The following TMEM200A variants were observed in gnomAD, a reference collection of about 807,000 sequenced individuals.
The protein encoded by TMEM200A is transmembrane protein 200A.
Under a neutral mutation model 24.3 loss-of-function variants are expected in TMEM200A, and 12 were observed. The ratio of observed to expected loss-of-function variants is 0.49; its 90% CI spans 0.32 to 0.80. TMEM200A has a LOEUF of 0.80. Ranked by LOEUF, TMEM200A falls within the 30% of genes least tolerant of loss-of-function variation. The pLI, the probability that TMEM200A is intolerant of heterozygous loss-of-function variation, is 0.04. For missense variants in TMEM200A, 545 were observed against 614.4 expected (o/e 0.89, Z 1.19); for synonymous variants, 224 against 224.4 (o/e 1.00, Z 0.02).
chr6:130,425,653 G>C (rs969628203), intron 2 of TMEM200A, among the ~76,000 whole-genome samples: 1 of 152,150 alleles, frequency 6.6e-6, no homozygotes, highest in Non-Finnish European at 1.5e-5. Flanking sequence ...TGTATAGTCA[G>C]AACTTGAGTT....
intron 2 of TMEM200A, among the ~76,000 whole-genome samples, chr6:130,402,946 C>G (rs1418418140): frequency 6.6e-6 from 1 of 152,010 alleles, no homozygotes; most frequent in East Asian, 1.9e-4. Context: ...CATCTCTTTT[C>G]TTTATGCCCC....
intron 2 of TMEM200A, among the ~76,000 whole-genome samples, chr6:130,403,558 G>C (rs1040193637): frequency 7.4e-6 from 1 of 134,320 alleles, no homozygotes; most frequent in Non-Finnish European, 1.5e-5. Context: ...TTGATAACAT[G>C]TATTTTTACA....
intron 2 of TMEM200A, among the ~76,000 whole-genome samples, chr6:130,406,644 T>C (rs1779215887): frequency 6.6e-6 from 1 of 152,216 alleles, no homozygotes. Context: ...ATGTCCTGAA[T>C]TGCAAATGAA....
intron 2 of TMEM200A, among the ~76,000 whole-genome samples, chr6:130,415,669 A>G (rs1004941448): frequency 6.6e-6 from 1 of 152,064 alleles, no homozygotes; most frequent in Admixed American, 6.6e-5. Flanking sequence ...CTCTACCCAC[A>G]TGTCATGAAA....
In TMEM200A at chr6:130,366,613, C is replaced by A; in HGVS notation, c.-81+89C>A. On this transcript the variant is annotated intron_variant, in intron 1 of 2. Transcript: ENST00000296978. The surrounding 1 kb of genome is among the most constrained non-coding windows in gnomAD (Gnocchi z 4.4). ...ACCGGGCACTTCTTCAGCCCTCTGC[C>A]CTCCCCTCCCCTCCGCTACAGCCTC... 3.1e-6 allele frequency: 3 copies of A among 956,836 alleles called. No homozygotes were observed. The highest frequency in any genetic ancestry group is 3.7e-6 in the Non-Finnish European group (3 of 803,872). 59.3% of individuals were successfully genotyped at this position (956,836 alleles called of 1,614,324 possible).
intron 2 of TMEM200A, chr6:130,439,326 A>G (rs1707786982): frequency 6.6e-6 from 1 of 152,194 alleles, no homozygotes; most frequent in Non-Finnish European, 1.5e-5. Flanking sequence ...ATTAAAGGAC[A>G]TCGTATATTG....
rs11970098 is a variant in TMEM200A at position 130,429,241 on chromosome 6, G to A, written c.-16-11166G>A. 5.0e-3 allele frequency among the ~76,000 whole-genome samples: 759 copies of A among 152,198 alleles called. 9 individuals carry two copies. The highest frequency in any genetic ancestry group is 0.016 in the African/African-American group (653 of 41,540). On this transcript the variant is annotated intron_variant, in intron 2 of 2. Coordinates refer to ENST00000296978, the MANE Select transcript of TMEM200A (RefSeq NM_001258277.2). ...ACTTTTGACAAAGAAAAATAATGAGGCCAGGAGCAGTGGCTCATGCCTGTA... is the reference window on the plus strand; with the variant it reads ...ACTTTTGACAAAGAAAAATAATGAGACCAGGAGCAGTGGCTCATGCCTGTA...
chr6:130,433,563 G>C (rs977081158), intron 2 of TMEM200A, among the ~76,000 whole-genome samples: 1 of 152,130 alleles, frequency 6.6e-6, no homozygotes, highest in African/African-American at 2.4e-5. Flanking sequence ...CTAAAAGTTT[G>C]AAATGTCTCA....
At chr6:130,411,609 C>T (rs752173868) in intron 2 of TMEM200A, among the ~76,000 whole-genome samples, 1 of 152,136 alleles carries the variant, frequency 6.6e-6, no homozygotes, top group Non-Finnish European at 1.5e-5. Context: ...CTGCTTCAAT[C>T]TGGAATGTTT....
At chr6:130,409,988 ACT>A (rs1051902738) in intron 2 of TMEM200A, among the ~76,000 whole-genome samples, 9 of 152,102 alleles carry the variant, frequency 5.9e-5, no homozygotes, top group Non-Finnish European at 1.0e-4. Context: ...AGTTTGTATG[ACT>A]CTAACAGCAA....
rs190284661 is a variant in TMEM200A, at chr6:130,392,710, A to G, written c.-17+7474A>G. Among the ~76,000 whole-genome samples the G allele has an allele frequency of 2.2e-3, 340 of 152,300 alleles. 2 individuals carry two copies. The highest frequency in any genetic ancestry group is 3.8e-3 in the Non-Finnish European group (260 of 68,030). On this transcript the variant is annotated intron_variant, in intron 2 of 2. Coordinates refer to ENST00000296978, the MANE Select transcript of TMEM200A (RefSeq NM_001258277.2). The stretch of plus-strand genomic sequence containing the variant: ...GCTAACATGTACTCATTTTTAAGAT[A>G]CAGCTCAAGCATTTCTTCATCTTAC...
intron 2 of TMEM200A, among the ~76,000 whole-genome samples, chr6:130,394,266 A>G: frequency 6.6e-6 from 1 of 152,212 alleles, no homozygotes. Context: ...CTGAACTGCT[A>G]TGCAAAAAAG....
In TMEM200A at chr6:130,375,835, T is replaced by C. The variant is rs569852180; in HGVS notation, c.-81+9311T>C. On this transcript the variant is annotated intron_variant, in intron 1 of 2. Coordinates refer to ENST00000296978, the MANE Select transcript of TMEM200A (RefSeq NM_001258277.2). ...TGAAGAGTGCAAAGTATTACCTCAC[T>C]GTAATGATGATATTGGTATTGGGAG... Among the ~76,000 whole-genome samples, 320 of 152,268 alleles carry C rather than the reference T, an allele frequency of 2.1e-3. 1 individual carries two copies. The highest frequency in any genetic ancestry group is 7.2e-3 in the African/African-American group (298 of 41,548).
At chr6:130,376,966 A>G (rs1778470761) in intron 1 of TMEM200A, among the ~76,000 whole-genome samples, 1 of 152,210 alleles carries the variant, frequency 6.6e-6, no homozygotes, top group South Asian at 2.1e-4. Flanking sequence ...ATAACACAAA[A>G]TTAATGATGC....
chr6:130,410,483 A>G (rs1779305886), intron 2 of TMEM200A, among the ~76,000 whole-genome samples: 1 of 152,216 alleles, frequency 6.6e-6, no homozygotes, highest in Admixed American at 6.5e-5. Context: ...TTAAATGGAA[A>G]AAGAACCATG....
At chr6:130,418,867 T>A (rs1779516281) in intron 2 of TMEM200A, among the ~76,000 whole-genome samples, 1 of 152,190 alleles carries the variant, frequency 6.6e-6, no homozygotes, top group African/African-American at 2.4e-5. Flanking sequence ...CAACTCAGAA[T>A]ATTTAGGGTA....
intron 2 of TMEM200A, among the ~76,000 whole-genome samples, chr6:130,420,060 T>C (rs1358953832): frequency 1.3e-5 from 2 of 152,150 alleles, no homozygotes; most frequent in African/African-American, 2.4e-5. Flanking sequence ...CATGATCTAA[T>C]CACCTCCTAA....
Position 130,441,226 on chromosome 6 carries a change from G to C in TMEM200A, c.804G>C (p.Lys268Asn), listed in dbSNP as rs750915987. ...CTCCTTCCAAGACAACTGATGATAA[G>C]ACCAGCGGCTCTAAGAAATGTGAAA... ...YPPPSKTTDD[K>N]TSGSKKCETK... Residue 268 changes from lysine (K) to asparagine (N), a missense_variant, in exon 3 of 3, where the codon AAG becomes AAC. Physicochemically the swap from Lys to Asn is moderately conservative, Grantham distance 94. Transcript: ENST00000296978. 1.9e-6 allele frequency: 3 copies of C among 1,613,978 alleles called. No individual in the cohort carries two copies. The highest frequency in any genetic ancestry group is 2.2e-5 in the South Asian group (2 of 91,080).
In TMEM200A at chr6:130,412,189, ATT is replaced by A. The variant is rs71762414; in HGVS notation, c.-17+26966_-17+26967del. ...ATTAGCTACTTCTCCCAGAAGCCTG[ATT>A]TTTTTTTTTTTTCTTTTTAGTGGAA... On this transcript the variant is annotated intron_variant, in intron 2 of 2. Transcript: ENST00000296978. Among the ~76,000 whole-genome samples, 1,298 of 135,152 alleles carry A rather than the reference ATT, an allele frequency of 9.6e-3. 19 individuals are homozygous for A. The highest frequency in any genetic ancestry group is 0.032 in the African/African-American group (1,137 of 35,018). 88.7% of individuals were successfully genotyped at this position (135,152 alleles called of 152,430 possible).
Sources: gnomAD v4.1 joint callset for allele counts (sites outside exome capture counted in the v4.1 genomes callset) on GRCh38, gnomAD v4.1.1 for gene constraint, Gnocchi (gnomAD v3.1) non-coding constraint, MANE v1.5 for transcripts, NCBI Gene and HGNC (gene_info 2026-07-23, HGNC 2026-07-21) for gene names.